The following OLFM3 variants were observed in gnomAD, a reference collection of about 807,000 sequenced individuals.
OLFM3 encodes olfactomedin 3.
OLFM3 carries 20 observed loss-of-function variants against 48.6 expected under a neutral mutation model. The ratio of observed to expected loss-of-function variants is 0.41; its 90% confidence interval spans 0.29 to 0.60. The LOEUF (loss-of-function observed/expected upper bound fraction) is 0.60, where lower values mean the gene tolerates loss of function less well. Ranked by LOEUF, OLFM3 falls within the 20% of genes least tolerant of loss-of-function variation. The pLI is 0.28. For synonymous variants in OLFM3, 222 were observed against 198.1 expected, an observed-to-expected ratio of 1.12 and a Z score of -1.01; for missense variants, 437 against 544.3, an observed-to-expected ratio of 0.80 and a Z score of 1.96.
intron 1 of OLFM3, among the ~76,000 whole-genome samples, chr1:101,958,835 T>TATATA (rs1553183318): frequency 1.4e-5 from 2 of 146,392 alleles, no homozygotes; most frequent in Non-Finnish European, 3.0e-5. Context: ...CAAAGTGATA[T>TATATA]TATATATATA....
intron 1 of OLFM3, among the ~76,000 whole-genome samples, chr1:101,917,934 G>A (rs1053811341): frequency 1.3e-5 from 2 of 151,990 alleles, no homozygotes; most frequent in African/African-American, 4.8e-5. Flanking sequence ...TATAATTATT[G>A]AGGTTTTCTT....
intron 2 of OLFM3, among the ~76,000 whole-genome samples, chr1:101,836,016 T>C (rs1655383171): frequency 6.6e-6 from 1 of 152,218 alleles, no homozygotes; most frequent in African/African-American, 2.4e-5. Context: ...AAAGTTTCTA[T>C]TCAATGCCAT....
chr1:101,948,194 C>T (rs1395083542), intron 1 of OLFM3, among the ~76,000 whole-genome samples: 1 of 151,932 alleles, frequency 6.6e-6, no homozygotes, highest in East Asian at 1.9e-4. Context: ...TTAAGTTGAT[C>T]TAGATTTTAA....
At chr1:101,857,632 T>G (rs1019479925) in intron 1 of OLFM3, among the ~76,000 whole-genome samples, 1 of 151,406 alleles carries the variant, frequency 6.6e-6, no homozygotes, top group Non-Finnish European at 1.5e-5. Context: ...CTGCCTTCCT[T>G]CTCTTACATT....
At chr1:101,908,787 T>A (rs35055361) in intron 1 of OLFM3, among the ~76,000 whole-genome samples, 22,443 of 152,014 alleles carry the variant, frequency 0.15, 1,786 homozygotes, top group Middle Eastern at 0.19. Context: ...GGAGCCAGTG[T>A]GACCCAAAGC....
intron 1 of OLFM3, among the ~76,000 whole-genome samples, chr1:101,905,716 C>T (rs1201119962): frequency 6.6e-6 from 1 of 152,056 alleles, no homozygotes; most frequent in Non-Finnish European, 1.5e-5. Context: ...GTCATTAATG[C>T]CTGAAATCAC....
At chr1:101,963,026 C>G (rs1274633569) in intron 1 of OLFM3, among the ~76,000 whole-genome samples, 3 of 152,234 alleles carry the variant, frequency 2.0e-5, no homozygotes, top group African/African-American at 7.2e-5. Flanking sequence ...AGTGGGCTCT[C>G]TTTCCTACAG....
At chr1:101,902,075 G>A (rs1658405482) in intron 1 of OLFM3, among the ~76,000 whole-genome samples, 1 of 151,880 alleles carries the variant, frequency 6.6e-6, no homozygotes, top group Admixed American at 6.6e-5. Context: ...AAAGGTGAAA[G>A]GAGGAAGGGG....
intron 1 of OLFM3, among the ~76,000 whole-genome samples, chr1:101,927,989 A>G (rs1417920296): frequency 3.3e-5 from 5 of 152,074 alleles, no homozygotes; most frequent in African/African-American, 4.8e-5. Flanking sequence ...TGATATGTCA[A>G]AGAGAAGGTA....
intron 1 of OLFM3, among the ~76,000 whole-genome samples, chr1:101,911,468 T>G (rs1658758205): frequency 6.6e-6 from 1 of 152,072 alleles, no homozygotes; most frequent in Non-Finnish European, 1.5e-5. Context: ...GGGACTTACT[T>G]TAAAGATTGT....
chr1:101,921,314 CAAGAGT>C (rs1435862818), intron 1 of OLFM3, among the ~76,000 whole-genome samples: 2 of 151,734 alleles, frequency 1.3e-5, no homozygotes, highest in Non-Finnish European at 2.9e-5. Flanking sequence ...TACAGCAGAA[CAAGAGT>C]AAAAGAGTCA....
chr1:101,950,356 A>G (rs902278826), intron 1 of OLFM3, among the ~76,000 whole-genome samples: 5 of 152,176 alleles, frequency 3.3e-5, no homozygotes, highest in African/African-American at 9.7e-5. Flanking sequence ...AGACCAGCTG[A>G]ACCCTTTACC....
chr1:101,845,498 T>C (rs1655950159), intron 1 of OLFM3, among the ~76,000 whole-genome samples: 1 of 152,180 alleles, frequency 6.6e-6, no homozygotes, highest in South Asian at 2.1e-4. Flanking sequence ...ACATTCATTA[T>C]CCTGCAAGAG....
chr1:101,812,996 G>A (rs2100872837), intron 4 of OLFM3: 1 of 1,088,310 alleles, frequency 9.2e-7, no homozygotes, highest in East Asian at 7.5e-5. Context: ...CATTTACTGT[G>A]AACTTATTTT....
Position 101,802,887 on chromosome 1 carries a change from C to G in OLFM3, c.*1351G>C, listed in dbSNP as rs1367020592. The G allele has an allele frequency of 6.6e-6, 1 of 151,538 alleles. No individual in the cohort carries two copies. The highest frequency in any genetic ancestry group is 1.5e-5 in the Non-Finnish European group (1 of 67,680). The allele number at this position is 151,538 out of a possible 1,614,324, so 9.4% of individuals were successfully genotyped here. A position where few individuals can be genotyped will look rare whatever the true frequency, so the allele number is the denominator to read the frequency against. ...TTAATATGTGGAAAATACATCCAAA[C>G]TCAATGAAATGTTTGATATATAGTT... On this transcript the variant is annotated 3_prime_UTR_variant, in exon 6 of 6. Transcript: ENST00000370103.
intron 1 of OLFM3, among the ~76,000 whole-genome samples, chr1:101,886,766 T>C (rs1349078905): frequency 2.0e-5 from 3 of 152,120 alleles, no homozygotes; most frequent in Non-Finnish European, 4.4e-5. Context: ...AAATTTTGGG[T>C]TTGTTGCACA....
chr1:101,834,686 C>T (rs896091559), intron 2 of OLFM3, among the ~76,000 whole-genome samples: 4 of 152,200 alleles, frequency 2.6e-5, no homozygotes, highest in African/African-American at 9.6e-5. Flanking sequence ...AAGTTTAATA[C>T]ATCTGCCTTG....
chr1:101,962,580 A>G (rs2101085507), intron 1 of OLFM3, among the ~76,000 whole-genome samples: 1 of 152,302 alleles, frequency 6.6e-6, no homozygotes, highest in South Asian at 2.1e-4. Context: ...TGAAAACTCT[A>G]GGAGGTTCCA....
At chr1:101,908,318 T>C (rs1658622095) in intron 1 of OLFM3, among the ~76,000 whole-genome samples, 2 of 152,162 alleles carry the variant, frequency 1.3e-5, no homozygotes, top group African/African-American at 4.8e-5. Context: ...AAAATGTCTA[T>C]ATCTAAAAGA....
Sources: gnomAD v4.1 joint callset for allele counts (sites outside exome capture counted in the v4.1 genomes callset) on GRCh38, gnomAD v4.1.1 for gene constraint, MANE v1.5 for transcripts, NCBI Gene and HGNC (gene_info 2026-07-23, HGNC 2026-07-21) for gene names.